NFAT5: variants seen among roughly 807,000 people sequenced by gnomAD.
NFAT5 encodes the protein nuclear factor of activated T cells 5.
In NFAT5, 31 loss-of-function variants were observed where a neutral mutation model predicts 166.5. That is an observed-to-expected ratio of 0.19 (90% CI 0.14 to 0.25). The LOEUF is 0.25. Ranked by LOEUF, NFAT5 falls within the 10% of genes least tolerant of loss-of-function variation. NFAT5 has a pLI of 1.00. For missense variants in NFAT5, 1,449 were observed against 1,821.8 expected, an observed-to-expected ratio of 0.80 and a Z score of 3.72; for synonymous variants, 612 against 639.7, an observed-to-expected ratio of 0.96 and a Z score of 0.65.
chr16:69,674,377 T>G (rs2036750403), intron 9 of NFAT5, among the ~76,000 whole-genome samples: 1 of 152,024 alleles, frequency 6.6e-6, no homozygotes, highest in Admixed American at 6.6e-5. Context: ...ATACCAAATA[T>G]GATGGGTACA....
chr16:69,619,192 A>C (rs1371958360), intron 2 of NFAT5, among the ~76,000 whole-genome samples: 2 of 152,216 alleles, frequency 1.3e-5, no homozygotes, highest in Admixed American at 1.3e-4. Context: ...GCCAGCTCTT[A>C]GGTCAACAAG....
At chr16:69,634,711 A>G (rs1005105441) in intron 3 of NFAT5, among the ~76,000 whole-genome samples, 3 of 152,228 alleles carry the variant, frequency 2.0e-5, no homozygotes, top group Admixed American at 6.5e-5. Context: ...AAACACACAC[A>G]CAACATGTAC....
At position 69,568,564 on chromosome 16, in the gene NFAT5, T is replaced by G. The variant is rs2016253269; in HGVS notation, c.127+16T>G. 6 of 1,604,940 alleles carry G rather than the reference T, an allele frequency of 3.7e-6. No individual in the cohort carries two copies. The highest frequency in any genetic ancestry group is 5.1e-6 in the Non-Finnish European group (6 of 1,173,700). ...CTATTGGAAGGTCAGCAAAGTACCA[T>G]TTTAAAGCATATTGTGTTAGTATGC... is the stretch of plus-strand genomic sequence containing the variant. On this transcript the variant is annotated intron_variant, in intron 2 of 14. Transcript: ENST00000349945.
chr16:69,675,150 A>G (rs559519588), intron 9 of NFAT5, among the ~76,000 whole-genome samples: 7 of 152,338 alleles, frequency 4.6e-5, no homozygotes, highest in Admixed American at 3.3e-4. Flanking sequence ...AAAGGTTTCA[A>G]AATTAGTTTT....
intron 2 of NFAT5, among the ~76,000 whole-genome samples, chr16:69,588,358 T>A (rs905790271): frequency 2.6e-5 from 4 of 152,218 alleles, no homozygotes; most frequent in Admixed American, 6.5e-5. Flanking sequence ...CTGAGAATAC[T>A]TAAGACAAGG....
chr16:69,695,291 A>C lies in NFAT5; in HGVS notation c.4570A>C (p.Asn1524His). Residue 1524 changes from asparagine to histidine, a missense_variant, in exon 14 of 15, where the codon AAC (asparagine) becomes CAC (histidine). Physicochemically the swap from Asn to His is moderately conservative, Grantham distance 68. This residue lies in a region of NFAT5 where 891 missense variants were observed against 993.0 expected (regional missense o/e 0.90). Transcript: ENST00000349945. The part of the protein sequence containing the change: ...PENSPLASSI[N>H]TNQNIEKIDL... The stretch of plus-strand genomic sequence containing the variant: ...GAATTCTCCACTGGCATCCTCTATA[A>C]ACACCAACCAGAACATCGAAAAGAT... The C allele has an allele frequency of 6.2e-7, 1 of 1,614,168 alleles. No homozygotes were observed.
At position 69,566,250 on chromosome 16, in the gene NFAT5, AC is replaced by A; in HGVS notation, c.-50del. On this transcript the variant is annotated 5_prime_UTR_variant, in exon 1 of 15. Coordinates refer to ENST00000349945, the MANE Select transcript of NFAT5 (RefSeq NM_138713.4). The surrounding 1 kb of genome is among the most constrained non-coding windows in gnomAD (Gnocchi z 5.7). The stretch of plus-strand genomic sequence containing the variant: ...GTCCCGGAGAGGAGGTGCCGCCGCC[AC>A]CGCCGCTCCCCCCCTCCCGCTGCCC... 6.5e-7 allele frequency: 1 copy of A among 1,546,778 alleles called. No individual in the cohort carries two copies. Among genetic ancestry groups the A allele is most frequent in the Non-Finnish European group, 8.8e-7 (1 of 1,140,852 alleles).
At chr16:69,644,878 T>G in intron 3 of NFAT5, 1 of 453,378 alleles carries the variant, frequency 2.2e-6, no homozygotes, top group South Asian at 1.6e-5. Context: ...AAAGTTGCTT[T>G]ATAGAAATAT....
rs758096356 is a variant in NFAT5, at chr16:69,693,931, T to G, written c.4106T>G (p.Leu1369Trp). 2 of 1,614,244 alleles carry G rather than the reference T, an allele frequency of 1.2e-6. No individual in the cohort carries two copies. ...PTQSESSQTP[L>W]FHSSPQIQLV... ...CAGTCGGAATCATCACAGACCCCCT[T>G]GTTCCATAGCTCTCCTCAGATTCAG... is the stretch of plus-strand genomic sequence containing the variant. The change falls in exon 13 of 15, where the codon TTG (leucine) becomes TGG (tryptophan). Residue 1369 changes from leucine to tryptophan, a missense_variant. Transcript: ENST00000349945.
intron 14 of NFAT5, among the ~76,000 whole-genome samples, chr16:69,695,968 CTTAT>C (rs980612709): frequency 1.1e-4 from 17 of 152,156 alleles, no homozygotes; most frequent in African/African-American, 4.1e-4. Flanking sequence ...GGACTTGTGT[CTTAT>C]CCCCAAGATA....
chr16:69,574,905 C>T (rs532049063), intron 2 of NFAT5, among the ~76,000 whole-genome samples: 6 of 152,164 alleles, frequency 3.9e-5, no homozygotes, highest in East Asian at 1.9e-4. Flanking sequence ...CTCCTGACCT[C>T]GGGTGATCTG....
chr16:69,655,553 A>T, intron 5 of NFAT5, 56 bp from the exon 6 acceptor site: 2 of 1,326,484 alleles, frequency 1.5e-6, no homozygotes, highest in Non-Finnish European at 2.0e-6. Context: ...TTGATTTTAT[A>T]ATTAGATTAT....
chr16:69,647,586 G>T lies in NFAT5; in HGVS notation c.812G>T (p.Gly271Val). 6.4e-7 allele frequency: 1 copy of T among 1,558,528 alleles called. No homozygotes were observed. Among genetic ancestry groups the T allele is most frequent in the South Asian group, 1.2e-5 (1 of 86,542 alleles). ...AAAGGCAACTCAAAAGCGGGAAATG[G>T]GTTGGTATTCACATTTTTTAAAATT... ...DNKGNSKAGN[G>V]TLENQKGTGV... The change falls in exon 4 of 15, where the codon GGA becomes GTA. Residue 271 changes from glycine to valine, a missense_variant and splice_region_variant. Gly to Val is a moderately radical substitution (Grantham distance 109). Around this residue, in one of 7 missense-constraint regions of NFAT5, gnomAD observed 115 missense variants for 177.1 expected, o/e 0.65. Coordinates refer to ENST00000349945, the MANE Select transcript of NFAT5 (RefSeq NM_138713.4). The surrounding 1 kb of genome is among the most constrained non-coding windows in gnomAD (Gnocchi z 4.8).
chr16:69,664,470 A>G (rs2036277829), intron 7 of NFAT5, among the ~76,000 whole-genome samples: 1 of 151,924 alleles, frequency 6.6e-6, no homozygotes, highest in African/African-American at 2.4e-5. Flanking sequence ...ATTTTTTAGT[A>G]GAGACGGGGT....
intron 7 of NFAT5, among the ~76,000 whole-genome samples, chr16:69,664,691 C>T (rs1252138389): frequency 1.3e-5 from 2 of 152,118 alleles, no homozygotes; most frequent in Non-Finnish European, 2.9e-5. Flanking sequence ...AGCATTATTC[C>T]TTTCAAGTAA....
intron 9 of NFAT5, among the ~76,000 whole-genome samples, chr16:69,671,043 G>T (rs2036601992): frequency 6.6e-6 from 1 of 152,162 alleles, no homozygotes; most frequent in Non-Finnish European, 1.5e-5. Context: ...ACAATCTATA[G>T]CCACTTTATC....
At position 69,696,395 on chromosome 16, in the gene NFAT5, C is replaced by T. The variant is rs1254440979; in HGVS notation, c.*44C>T. The T allele has an allele frequency of 6.6e-6, 1 of 152,484 alleles. No individual in the cohort carries two copies. The allele number at this position is 152,484 out of a possible 1,614,324, so 9.4% of individuals were successfully genotyped here. On this transcript the variant is annotated 3_prime_UTR_variant, in exon 15 of 15. Transcript: ENST00000349945. ...AAGAAAATCCTGATTCCAAGATGTC[C>T]TGAGATCTTGTGGTTCCATGAGAAT...
intron 3 of NFAT5, among the ~76,000 whole-genome samples, chr16:69,641,991 C>G (rs1289517176): frequency 2.0e-5 from 3 of 151,716 alleles, no homozygotes; most frequent in Non-Finnish European, 4.4e-5. Flanking sequence ...CCTAGCTATT[C>G]AGGAGGCTGA....
rs745893441 is a variant in NFAT5 at position 69,700,090 on chromosome 16, T to G, written c.*3739T>G. The G allele has an allele frequency of 6.6e-6, 1 of 152,008 alleles. No homozygotes were observed. The highest frequency in any genetic ancestry group is 1.5e-5 in the Non-Finnish European group (1 of 67,988). 9.4% of individuals were successfully genotyped at this position (152,008 alleles called of 1,614,324 possible). A position where few individuals can be genotyped will look rare whatever the true frequency, so the allele number is the denominator to read the frequency against. Reference sequence around the variant, plus strand: ...AGTATTAATGAAGGACTTTCCTTCCTCCCTCCCTTTCCTCCCCTCCCTGCC... The same window carrying G: ...AGTATTAATGAAGGACTTTCCTTCCGCCCTCCCTTTCCTCCCCTCCCTGCC... On this transcript the variant is annotated 3_prime_UTR_variant, in exon 15 of 15. Coordinates refer to ENST00000349945, the MANE Select transcript of NFAT5 (RefSeq NM_138713.4).
Sources: gnomAD v4.1 joint callset for allele counts (sites outside exome capture counted in the v4.1 genomes callset) on GRCh38, gnomAD v4.1.1 for gene constraint, gnomAD v4.1.1 regional missense constraint, Gnocchi (gnomAD v3.1) non-coding constraint, MANE v1.5 for transcripts, NCBI Gene and HGNC (gene_info 2026-07-23, HGNC 2026-07-21) for gene names.